NCF4: variants seen among roughly 807,000 people sequenced by gnomAD.
The protein encoded by NCF4 is neutrophil cytosol factor 4.
In NCF4, 30 loss-of-function variants were observed where a neutral mutation model predicts 41.7. The observed-to-expected ratio is 0.72, with a 90% confidence interval of 0.54 to 0.97. The LOEUF is 0.97. Among genes scored for constraint, NCF4 ranks in the 50% least tolerant of loss-of-function variants. NCF4 has a pLI of 0.00. For synonymous variants in NCF4, 195 were observed against 175.8 expected (o/e 1.11, Z -0.87); for missense variants, 432 against 460.9 (o/e 0.94, Z 0.57).
At chr22:36,876,246 T>TCTC in intron 9 of NCF4, 152 bp downstream of exon 9, 1 of 809,844 alleles carries the variant, frequency 1.2e-6, no homozygotes, top group South Asian at 1.9e-5. Context: ...TTAGGCAGCA[T>TCTC]CTCCCCACTT....
rs772249899 is a variant in NCF4, at chr22:36,872,421, T to C, written c.623T>C (p.Leu208Pro). The change falls in exon 7 of 10, where the codon CTG (leucine) becomes CCG (proline). Residue 208 changes from leucine (L) to proline (P), a missense_variant. Physicochemically the swap from Leu to Pro is moderately conservative, Grantham distance 98. Transcript: ENST00000248899. ...FLLSRINKDWLEGTVRGATGI... is the reference protein window; with the variant it reads ...FLLSRINKDWPEGTVRGATGI... The stretch of plus-strand genomic sequence containing the variant: ...CTCAGTCGGATCAACAAAGACTGGC[T>C]GGAGGTGAGTTCAGAAGTGAGGATG... The C allele has an allele frequency of 6.2e-7, 1 of 1,602,768 alleles. No individual in the cohort carries two copies. The highest frequency in any genetic ancestry group is 8.5e-7 in the Non-Finnish European group (1 of 1,169,678).
intron 6 of NCF4, chr22:36,872,060 T>G (rs1940070070): frequency 1.4e-6 from 1 of 689,658 alleles, no homozygotes; most frequent in Non-Finnish European, 2.7e-6. Flanking sequence ...GGGACCAGGG[T>G]GGGTGCTCAG....
In NCF4 at chr22:36,865,315, C is replaced by A. The variant is rs1304365271; in HGVS notation, c.271+243C>A. Reference sequence around the variant, plus strand: ...CCCGGAGCTCTGATGACCATCGTGGCCACTCGCTCCTGCTGTCCACTACCA... The same window carrying A: ...CCCGGAGCTCTGATGACCATCGTGGACACTCGCTCCTGCTGTCCACTACCA... On this transcript the variant is annotated intron_variant, in intron 3 of 9. Transcript: ENST00000248899. This position sits in a 1 kb window ranked among gnomAD's most constrained non-coding sequence, Gnocchi z 4.3. Among the ~76,000 whole-genome samples the A allele has an allele frequency of 1.3e-5, 2 of 152,128 alleles. No individual in the cohort carries two copies. Among genetic ancestry groups the A allele is most frequent in the African/African-American group, 4.8e-5 (2 of 41,414 alleles).
rs770239095 is a variant in NCF4 at position 36,864,972 on chromosome 22, C to A, written c.171C>A (p.Arg57=). ...GAGGATCCAAGTACCTCATCTACCG[C>A]CGCTACCGCCAGTTCCATGCTTTGC... ...TKGGSKYLIY[R]RYRQFHALQS... Residue 57 remains arginine (R), a synonymous_variant, in exon 3 of 10, where the codon CGC becomes CGA. Coordinates refer to ENST00000248899, the MANE Select transcript of NCF4 (RefSeq NM_000631.5). The A allele has an allele frequency of 3.1e-6, 5 of 1,614,034 alleles. No individual in the cohort carries two copies. The highest frequency in any genetic ancestry group is 4.2e-6 in the Non-Finnish European group (5 of 1,180,036).
At chr22:36,866,602 C>T (rs546270138) in intron 3 of NCF4, among the ~76,000 whole-genome samples, 1 of 152,270 alleles carries the variant, frequency 6.6e-6, no homozygotes, top group African/African-American at 2.4e-5. Context: ...ATGTCTAGCT[C>T]TAGCCCAGAC....
intron 5 of NCF4, 119 bp from the exon 6 acceptor site, chr22:36,871,533 G>T (rs1410134406): frequency 1.8e-6 from 2 of 1,138,982 alleles, no homozygotes; most frequent in Non-Finnish European, 2.6e-6. Flanking sequence ...CCACATTTCA[G>T]CATCTTCTGT....
Position 36,877,721 on chromosome 22 carries a change from G to A in NCF4, c.918G>A (p.Met306Ile), listed in dbSNP as rs1248621440. ...TGTCGGATGAGGACGTAGCGCTCAT[G>A]GTGCGGCAGGCTCGTGGCCTCCCCT... ...RLLSDEDVAL[M>I]VRQARGLPSQ... is the part of the protein sequence containing the mutation. The change falls in exon 10 of 10, where the codon ATG becomes ATA. Residue 306 changes from methionine to isoleucine, a missense_variant. By Grantham distance (10) the Met-to-Ile change is conservative. Transcript: ENST00000248899. 1 of 1,614,150 alleles carries A rather than the reference G, an allele frequency of 6.2e-7. No homozygotes were observed. The highest frequency in any genetic ancestry group is 2.2e-5 in the East Asian group (1 of 44,880).
chr22:36,871,362 A>G (rs1022939823), intron 5 of NCF4, among the ~76,000 whole-genome samples: 23 of 152,174 alleles, frequency 1.5e-4, no homozygotes, highest in Non-Finnish European at 2.9e-5. Flanking sequence ...ACACATCTGA[A>G]CACTTTGGCA....
rs1428505256 is a variant in NCF4, at chr22:36,865,181, T to C, written c.271+109T>C. On this transcript the variant is annotated intron_variant, in intron 3 of 9. Coordinates refer to ENST00000248899, the MANE Select transcript of NCF4 (RefSeq NM_000631.5). The surrounding 1 kb of genome is among the most constrained non-coding windows in gnomAD (Gnocchi z 4.3). ...TCTCAACCCCAGTGAAAACTGTTCA[T>C]GTAGTTTATAGCCCCCACTCCCGGC... is the stretch of plus-strand genomic sequence containing the variant. The C allele has an allele frequency of 3.3e-6, 5 of 1,492,654 alleles. No individual in the cohort carries two copies. The highest frequency in any genetic ancestry group is 1.2e-5 in the South Asian group (1 of 85,952). The allele number at this position is 1,492,654 out of a possible 1,614,324, so 92.5% of individuals were successfully genotyped here. A position where few individuals can be genotyped will look rare whatever the true frequency, so the allele number is the denominator to read the frequency against.
At chr22:36,868,375 A>G (rs1404802576) in intron 4 of NCF4, among the ~76,000 whole-genome samples, 1 of 152,256 alleles carries the variant, frequency 6.6e-6, no homozygotes, top group Non-Finnish European at 1.5e-5. Flanking sequence ...GCCCTCTAGT[A>G]TCACAGGAGT....
At chr22:36,869,550 G>A (rs1404904216) in intron 4 of NCF4, among the ~76,000 whole-genome samples, 2 of 152,088 alleles carry the variant, frequency 1.3e-5, no homozygotes, top group East Asian at 3.9e-4. Flanking sequence ...TCATCCTGCT[G>A]CCCCCATGGG....
intron 6 of NCF4, 114 bp from the exon 7 acceptor site, chr22:36,872,213 C>T: frequency 1.1e-6 from 1 of 905,154 alleles, no homozygotes; most frequent in East Asian, 2.4e-5. Context: ...CGCTTATTCT[C>T]CCCAAGCCTC....
chr22:36,868,250 G>A (rs917842748), intron 4 of NCF4, among the ~76,000 whole-genome samples: 5 of 152,252 alleles, frequency 3.3e-5, no homozygotes, highest in African/African-American at 9.6e-5. Context: ...CACAGCTGGA[G>A]AGCGCTGGGC....
At chr22:36,866,723 G>A (rs72550743) in intron 3 of NCF4, among the ~76,000 whole-genome samples, 10 of 152,242 alleles carry the variant, frequency 6.6e-5, no homozygotes, top group African/African-American at 2.4e-4. Flanking sequence ...TTCCACCAGT[G>A]CGCCCACATG....
rs1156468775 is a variant in NCF4 at position 36,875,901 on chromosome 22, G to A, written c.758+118G>A. 1.1e-5 allele frequency: 18 copies of A among 1,614,052 alleles called. No homozygotes were observed. The highest frequency in any genetic ancestry group is 1.4e-5 in the Non-Finnish European group (17 of 1,180,050). On this transcript the variant is annotated intron_variant, in intron 8 of 9. Coordinates refer to ENST00000248899, the MANE Select transcript of NCF4 (RefSeq NM_000631.5). ...ACTCCAAAGCCCCCAGTGGCTCCCA[G>A]ATGAGCCACAATGCTGTAACAAGCC...
intron 4 of NCF4, chr22:36,870,164 T>C: frequency 1.8e-6 from 1 of 555,548 alleles, no homozygotes. Context: ...CTTTAAGTCT[T>C]TTCCAAATGG....
In NCF4 at chr22:36,877,535, C is replaced by T. The variant is rs565948476; in HGVS notation, c.825-93C>T. ...TATCAGGCTCTGACTTTTTCTTACT[C>T]CTGGCTTCAGGACATAAAACCCTTT... On this transcript the variant is annotated intron_variant, in intron 9 of 9. Coordinates refer to ENST00000248899, the MANE Select transcript of NCF4 (RefSeq NM_000631.5). 5.2e-4 allele frequency: 696 copies of T among 1,349,926 alleles called. 4 individuals carry two copies. Among genetic ancestry groups the T allele is most frequent in the South Asian group, 2.2e-3 (182 of 84,640 alleles). The allele number at this position is 1,349,926 out of a possible 1,614,324, so 83.6% of individuals were successfully genotyped here. A position where few individuals can be genotyped will look rare whatever the true frequency, so the allele number is the denominator to read the frequency against.
chr22:36,870,299 A>G, intron 4 of NCF4, 116 bp from the exon 5 acceptor site: 1 of 1,403,140 alleles, frequency 7.1e-7, no homozygotes, highest in African/African-American at 1.4e-5. Context: ...ATCAGGCATC[A>G]TGCATTAGTA....
rs186522713 is a variant in NCF4, at chr22:36,863,984, G to A, written c.33-61G>A. On this transcript the variant is annotated intron_variant, in intron 1 of 9. Coordinates refer to ENST00000248899, the MANE Select transcript of NCF4 (RefSeq NM_000631.5). Reference sequence around the variant, plus strand: ...TTGCTTTGCACTCTACCTCATACCCGGTGGGCCCACAAAACACATCAGGGT... The same window carrying A: ...TTGCTTTGCACTCTACCTCATACCCAGTGGGCCCACAAAACACATCAGGGT... The A allele has an allele frequency of 1.3e-4, 189 of 1,485,744 alleles. No individual in the cohort carries two copies. Among genetic ancestry groups the A allele is most frequent in the Middle Eastern group, 3.4e-4 (2 of 5,814 alleles). 92.0% of individuals were successfully genotyped at this position (1,485,744 alleles called of 1,614,324 possible). A position where few individuals can be genotyped will look rare whatever the true frequency, so the allele number is the denominator to read the frequency against.
Sources: gnomAD v4.1 joint callset for allele counts (sites outside exome capture counted in the v4.1 genomes callset) on GRCh38, gnomAD v4.1.1 for gene constraint, Gnocchi (gnomAD v3.1) non-coding constraint, MANE v1.5 for transcripts, NCBI Gene and HGNC (gene_info 2026-07-23, HGNC 2026-07-21) for gene names.